Variants in RBMS3 observed in about 807,000 individuals in gnomAD.
RBMS3 encodes RNA binding motif single stranded interacting protein 3.
RBMS3 carries 27 observed loss-of-function variants against 66.8 expected under a neutral mutation model. That is an observed-to-expected ratio of 0.40 (90% CI 0.30 to 0.56). The LOEUF (loss-of-function observed/expected upper bound fraction) is 0.56, where lower values mean the gene tolerates loss of function less well. RBMS3 is among the 20% of genes least tolerant of loss of function. The pLI, the probability that RBMS3 is intolerant of heterozygous loss-of-function variation, is 0.40. For missense variants in RBMS3, 513 were observed against 549.5 expected (o/e 0.93, Z 0.66); for synonymous variants, 188 against 183.0 (o/e 1.03, Z -0.22).
At chr3:30,003,143 A>C (rs1699684059) in intron 14 of RBMS3, among the ~76,000 whole-genome samples, 1 of 152,022 alleles carries the variant, frequency 6.6e-6, no homozygotes, top group Admixed American at 6.6e-5. Context: ...ATCTGTGGGC[A>C]AAAAAGCTAA....
chr3:29,910,999 A>T (rs1016238703), intron 10 of RBMS3, among the ~76,000 whole-genome samples: 1 of 151,972 alleles, frequency 6.6e-6, no homozygotes, highest in Non-Finnish European at 1.5e-5. Context: ...TCCCAATAAG[A>T]CTCTGTCAGA....
intron 4 of RBMS3, among the ~76,000 whole-genome samples, chr3:29,727,882 A>G (rs1178350963): frequency 6.6e-6 from 1 of 152,236 alleles, no homozygotes; most frequent in Non-Finnish European, 1.5e-5. Flanking sequence ...ATTATTAATC[A>G]TGCTACTAAA....
chr3:29,325,145 T>C (rs2035243815), intron 1 of RBMS3, among the ~76,000 whole-genome samples: 1 of 152,190 alleles, frequency 6.6e-6, no homozygotes, highest in African/African-American at 2.4e-5. Context: ...ACACTCTATG[T>C]ATTAAGTTGT....
chr3:29,996,998 CA>C (rs1258415383), intron 14 of RBMS3, among the ~76,000 whole-genome samples: 1 of 150,780 alleles, frequency 6.6e-6, no homozygotes, highest in Non-Finnish European at 1.5e-5. Context: ...TTGAAAAGAT[CA>C]AAAAAATTGA....
chr3:29,627,257 G>C (rs1354458858), intron 4 of RBMS3, among the ~76,000 whole-genome samples: 2 of 149,526 alleles, frequency 1.3e-5, no homozygotes, highest in Admixed American at 6.7e-5. Flanking sequence ...GAGTATCTCT[G>C]TCTCTCTCTC....
At chr3:29,420,914 C>T (rs1354752214) in intron 1 of RBMS3, among the ~76,000 whole-genome samples, 1 of 146,850 alleles carries the variant, frequency 6.8e-6, no homozygotes, top group Non-Finnish European at 1.5e-5. Context: ...ACCATCCTGG[C>T]TAACACGGTG....
intron 1 of RBMS3, among the ~76,000 whole-genome samples, chr3:29,367,552 C>T (rs2037976834): frequency 6.6e-6 from 1 of 152,056 alleles, no homozygotes; most frequent in Admixed American, 6.6e-5. Context: ...TAATCAGAAA[C>T]ACATAATAAA....
intron 4 of RBMS3, among the ~76,000 whole-genome samples, chr3:29,654,896 C>A (rs1020127257): frequency 1.5e-4 from 23 of 151,744 alleles, no homozygotes; most frequent in African/African-American, 5.6e-4. Flanking sequence ...CTGCACCTGG[C>A]CAAAATATTA....
At chr3:29,975,103 T>C (rs1697491522) in intron 12 of RBMS3, among the ~76,000 whole-genome samples, 1 of 144,048 alleles carries the variant, frequency 6.9e-6, no homozygotes, top group Non-Finnish European at 1.5e-5. Context: ...TCTATATTTA[T>C]ATATTTTATA....
At chr3:29,715,113 A>T (rs1297679605) in intron 4 of RBMS3, among the ~76,000 whole-genome samples, 3 of 152,150 alleles carry the variant, frequency 2.0e-5, no homozygotes, top group Non-Finnish European at 2.9e-5. Flanking sequence ...TGGTTTGAAG[A>T]TATTTTCCAG....
chr3:29,474,675 G>A (rs1271715592), intron 2 of RBMS3, among the ~76,000 whole-genome samples: 1 of 152,200 alleles, frequency 6.6e-6, no homozygotes, highest in Non-Finnish European at 1.5e-5. Flanking sequence ...TTACCATATA[G>A]TAGGGACAGT....
intron 1 of RBMS3, among the ~76,000 whole-genome samples, chr3:29,291,165 A>G (rs2069518376): frequency 6.6e-6 from 1 of 151,884 alleles, no homozygotes; most frequent in Admixed American, 6.6e-5. Context: ...ATGTTAATTG[A>G]TTTGGGTTTT....
intron 2 of RBMS3, among the ~76,000 whole-genome samples, chr3:29,445,899 TTTTG>T (rs1260087405): frequency 2.0e-5 from 3 of 152,178 alleles, no homozygotes; most frequent in Non-Finnish European, 4.4e-5. Context: ...AAAATAGATT[TTTTG>T]TTTTAGTTTT....
chr3:29,806,502 CAG>C (rs2149450816), intron 6 of RBMS3, among the ~76,000 whole-genome samples: 1 of 152,024 alleles, frequency 6.6e-6, no homozygotes, highest in African/African-American at 2.4e-5. Flanking sequence ...TATCAACTGA[CAG>C]AGTTTTGATG....
At chr3:29,396,641 T>C (rs2039563448) in intron 1 of RBMS3, among the ~76,000 whole-genome samples, 2 of 152,162 alleles carry the variant, frequency 1.3e-5, no homozygotes, top group South Asian at 4.1e-4. Context: ...CAAATAAATC[T>C]AGATCTAGAC....
At chr3:29,562,211 G>A (rs1317048392) in intron 3 of RBMS3, among the ~76,000 whole-genome samples, 3 of 152,094 alleles carry the variant, frequency 2.0e-5, no homozygotes, top group African/African-American at 7.2e-5. Context: ...AATTTAGCGT[G>A]GCTGGATGGG....
chr3:29,297,523 T>C (rs1209177257), intron 1 of RBMS3, among the ~76,000 whole-genome samples: 1 of 151,924 alleles, frequency 6.6e-6, no homozygotes, highest in Admixed American at 6.6e-5. Context: ...TGCAATCAGC[T>C]GGATTGAAAT....
intron 4 of RBMS3, among the ~76,000 whole-genome samples, chr3:29,670,684 G>A (rs1225603605): frequency 6.6e-6 from 1 of 152,192 alleles, no homozygotes; most frequent in Non-Finnish European, 1.5e-5. Flanking sequence ...GAACTGCAAG[G>A]CAGCAGCAAG....
At chr3:29,364,423 A>G (rs553247303) in intron 1 of RBMS3, among the ~76,000 whole-genome samples, 1 of 152,264 alleles carries the variant, frequency 6.6e-6, no homozygotes, top group East Asian at 1.9e-4. Flanking sequence ...TTTATCATAA[A>G]CACAGTATGT....
Sources: gnomAD v4.1 joint callset for allele counts (sites outside exome capture counted in the v4.1 genomes callset) on GRCh38, gnomAD v4.1.1 for gene constraint, MANE v1.5 for transcripts, NCBI Gene and HGNC (gene_info 2026-07-23, HGNC 2026-07-21) for gene names.